Variants in TENM1 observed in about 807,000 individuals in gnomAD.
The protein encoded by TENM1 is teneurin transmembrane protein 1.
TENM1 carries 35 observed loss-of-function variants against 174.8 expected under a neutral mutation model. The observed-to-expected ratio is 0.20, with a 90% CI of 0.15 to 0.27. The LOEUF is 0.27. Ranked by LOEUF, TENM1 falls within the 10% of genes least tolerant of loss-of-function variation. The probability of loss-of-function intolerance (pLI) is 1.00; values close to 1 mark genes in which losing one functional copy is unlikely to be tolerated. For synonymous variants in TENM1, 781 were observed against 798.7 expected, an observed-to-expected ratio of 0.98 and a Z score of 0.37; for missense variants, 1,633 against 2,130.1, an observed-to-expected ratio of 0.77 and a Z score of 4.59.
chrX:124,552,587 C>T (rs1332144003), intron 14 of TENM1, among the ~76,000 whole-genome samples: 2 of 111,823 alleles, frequency 1.8e-5, no homozygotes, highest in Admixed American at 9.5e-5. Context: ...TGTTCATGTC[C>T]TCCTGGTGCC....
At chrX:124,912,577 T>C (rs1232165941) in intron 1 of TENM1, among the ~76,000 whole-genome samples, 1 of 108,882 alleles carries the variant, frequency 9.2e-6, no homozygotes, top group Non-Finnish European at 1.9e-5. Flanking sequence ...GGAGCTGGGG[T>C]GGGGTTGGGG....
the TENM1 span, among the ~76,000 whole-genome samples, chrX:125,044,026 A>AG: frequency 3.6e-4 from 11 of 30,155 alleles, no homozygotes; most frequent in African/African-American, 1.7e-3. Flanking sequence ...GGGTCGGGGG[A>AG]GGGGGGAGGG....
At chrX:124,476,877 A>G (rs750091695) in intron 22 of TENM1, among the ~76,000 whole-genome samples, 4 of 112,778 alleles carry the variant, frequency 3.5e-5, no homozygotes, top group Non-Finnish European at 7.5e-5. Flanking sequence ...AAGTCAATTC[A>G]AACTCATATA....
chrX:124,986,812 T>A, the TENM1 span, among the ~76,000 whole-genome samples: 1 of 111,278 alleles, frequency 9.0e-6, no homozygotes, highest in Non-Finnish European at 1.9e-5. Context: ...CGGCTAATTT[T>A]TGTATTTTTA....
At chrX:124,959,595 G>C (rs1031441716) in intron 1 of TENM1, among the ~76,000 whole-genome samples, 15 of 110,776 alleles carry the variant, frequency 1.4e-4, no homozygotes, top group Non-Finnish European at 2.8e-4. Flanking sequence ...GCCCAGATCT[G>C]TTCTGAATCC....
chrX:124,509,745 A>G (rs1602566540), intron 18 of TENM1, among the ~76,000 whole-genome samples: 1 of 83,092 alleles, frequency 1.2e-5, no homozygotes, highest in Non-Finnish European at 2.2e-5. Flanking sequence ...TTTTAGACAG[A>G]GTTTCACTCT....
chrX:124,862,722 C>T (rs904613905), intron 3 of TENM1, among the ~76,000 whole-genome samples: 7 of 110,175 alleles, frequency 6.4e-5, no homozygotes, highest in African/African-American at 2.3e-4. Context: ...TTAGTTGAGT[C>T]CTAGTGCTGA....
intron 23 of TENM1, among the ~76,000 whole-genome samples, chrX:124,450,233 G>A (rs1315337044): frequency 9.0e-6 from 1 of 110,598 alleles, no homozygotes; most frequent in African/African-American, 3.3e-5. Flanking sequence ...GATGGCGGGT[G>A]CCTGTAGTCC....
chrX:124,722,685 A>G (rs1189097715), intron 4 of TENM1, among the ~76,000 whole-genome samples: 1 of 108,097 alleles, frequency 9.3e-6, no homozygotes, highest in African/African-American at 3.4e-5. Flanking sequence ...CTAAAAATAC[A>G]AAAAATTAGC....
chrX:124,550,256 G>A (rs1372808701), intron 14 of TENM1, among the ~76,000 whole-genome samples: 1 of 111,405 alleles, frequency 9.0e-6, no homozygotes, highest in Admixed American at 9.5e-5. Flanking sequence ...AAGGGGAAAT[G>A]GATGAAGGAA....
chrX:124,376,779 G>A (rs992790215), exon 32 of TENM1: 1 of 104,276 alleles, frequency 9.6e-6, no homozygotes, highest in Admixed American at 1.0e-4. Context: ...TGTTTTTTTT[G>A]TTTTGTTTTG....
intron 3 of TENM1, among the ~76,000 whole-genome samples, chrX:124,817,833 A>G (rs1049379997): frequency 8.9e-6 from 1 of 112,023 alleles, no homozygotes; most frequent in East Asian, 2.8e-4. Context: ...GAAAGAAGAA[A>G]AGAAAAGAAA....
chrX:124,826,400 C>A (rs1296119338), intron 3 of TENM1, among the ~76,000 whole-genome samples: 2 of 106,168 alleles, frequency 1.9e-5, no homozygotes, highest in East Asian at 2.9e-4. Flanking sequence ...CAGAGTGAGA[C>A]CCTGTCTCAA....
At chrX:124,716,757 C>T (rs772596546) in intron 4 of TENM1, among the ~76,000 whole-genome samples, 70 of 111,445 alleles carry the variant, frequency 6.3e-4, no homozygotes, top group Admixed American at 1.8e-3. Context: ...CTTCCGGGTA[C>T]ACGCCACTGG....
At chrX:124,795,749 A>G (rs983182850) in intron 3 of TENM1, among the ~76,000 whole-genome samples, 1 of 110,085 alleles carries the variant, frequency 9.1e-6, no homozygotes, top group African/African-American at 3.3e-5. Flanking sequence ...CTGAGTATTC[A>G]GTATGTAATG....
intron 11 of TENM1, among the ~76,000 whole-genome samples, chrX:124,619,192 A>G (rs1184530959): frequency 8.9e-6 from 1 of 112,197 alleles, no homozygotes; most frequent in Non-Finnish European, 1.9e-5. Flanking sequence ...ACAATAATAT[A>G]CCTTGAGCTG....
At chrX:124,844,826 A>G (rs969065452) in intron 3 of TENM1, among the ~76,000 whole-genome samples, 5 of 111,498 alleles carry the variant, frequency 4.5e-5, no homozygotes, top group Middle Eastern at 4.7e-3. Flanking sequence ...ATATATTTAC[A>G]TTTCATTCTG....
At chrX:125,123,286 C>T in the TENM1 span, among the ~76,000 whole-genome samples, 1 of 109,865 alleles carries the variant, frequency 9.1e-6, no homozygotes, top group African/African-American at 3.3e-5. Context: ...AATAGAAATC[C>T]CAGCTTTAAA....
chrX:124,939,748 C>T (rs1377277738), intron 1 of TENM1, among the ~76,000 whole-genome samples: 1 of 111,321 alleles, frequency 9.0e-6, no homozygotes, highest in Non-Finnish European at 1.9e-5. Flanking sequence ...GGGCTTTTGC[C>T]CTTGTTCTTC....
Sources: gnomAD v4.1 joint callset for allele counts (sites outside exome capture counted in the v4.1 genomes callset) on GRCh38, gnomAD v4.1.1 for gene constraint, MANE v1.5 for transcripts, NCBI Gene and HGNC (gene_info 2026-07-23, HGNC 2026-07-21) for gene names.